Variants in RNGTT observed in about 807,000 individuals in gnomAD.
RNGTT encodes RNA guanylyltransferase and 5'-phosphatase.
In RNGTT, 33 loss-of-function variants were observed where a neutral mutation model predicts 79.3. That is an observed-to-expected ratio of 0.42 (90% CI 0.32 to 0.56). The LOEUF (loss-of-function observed/expected upper bound fraction) is 0.56. RNGTT is among the 20% of genes least tolerant of loss of function. RNGTT has a pLI of 0.17. For synonymous variants in RNGTT, 222 were observed against 235.9 expected, an observed-to-expected ratio of 0.94 and a Z score of 0.54; for missense variants, 497 against 739.1, an observed-to-expected ratio of 0.67 and a Z score of 3.80.
intron 8 of RNGTT, among the ~76,000 whole-genome samples, chr6:88,865,545 T>C (rs114345912): frequency 1.7e-3 from 258 of 152,170 alleles, no homozygotes; most frequent in African/African-American, 6.0e-3. Flanking sequence ...TATAAACATA[T>C]TTACACAAAG....
chr6:88,867,544 A>C (rs1282499984), intron 8 of RNGTT, among the ~76,000 whole-genome samples: 1 of 152,202 alleles, frequency 6.6e-6, no homozygotes, highest in East Asian at 1.9e-4. Flanking sequence ...GTCCAAAAAA[A>C]GCAAAAGAAT....
chr6:88,685,824 A>C (rs1157089743), intron 13 of RNGTT, among the ~76,000 whole-genome samples: 1 of 151,988 alleles, frequency 6.6e-6, no homozygotes, highest in Admixed American at 6.6e-5. Context: ...GTAAATAAAT[A>C]AATCAAATCC....
intron 14 of RNGTT, among the ~76,000 whole-genome samples, chr6:88,643,622 T>C (rs901662540): frequency 3.9e-5 from 6 of 152,112 alleles, no homozygotes; most frequent in Admixed American, 6.6e-5. Context: ...CCTCAGCAAA[T>C]GTAAAAGAAC....
intron 14 of RNGTT, among the ~76,000 whole-genome samples, chr6:88,654,030 T>A (rs547468064): frequency 6.6e-6 from 1 of 152,344 alleles, no homozygotes; most frequent in East Asian, 1.9e-4. Context: ...AGAACTTTTA[T>A]CTACAACTAC....
At chr6:88,776,297 G>A (rs1014026831) in intron 12 of RNGTT, among the ~76,000 whole-genome samples, 9 of 150,816 alleles carry the variant, frequency 6.0e-5, no homozygotes, top group African/African-American at 2.2e-4. Flanking sequence ...GTGATGTTGA[G>A]CACCTTTTCA....
intron 13 of RNGTT, among the ~76,000 whole-genome samples, chr6:88,702,998 G>C (rs1201592476): frequency 6.6e-6 from 1 of 152,040 alleles, no homozygotes; most frequent in Non-Finnish European, 1.5e-5. Context: ...AAACCAAAAT[G>C]AAATACCATC....
chr6:88,890,106 CAG>C (rs1266461346), intron 8 of RNGTT, among the ~76,000 whole-genome samples: 2 of 152,078 alleles, frequency 1.3e-5, no homozygotes, highest in African/African-American at 4.8e-5. Flanking sequence ...CAGAATGAAT[CAG>C]AGAGAGTTCA....
At chr6:88,658,887 G>A (rs1001262462) in intron 14 of RNGTT, among the ~76,000 whole-genome samples, 13 of 152,186 alleles carry the variant, frequency 8.5e-5, no homozygotes, top group African/African-American at 1.9e-4. Context: ...AGGGGCTCTC[G>A]GGCCTTCGGC....
At chr6:88,686,068 A>G (rs1775267334) in intron 13 of RNGTT, among the ~76,000 whole-genome samples, 1 of 150,786 alleles carries the variant, frequency 6.6e-6, no homozygotes, top group Admixed American at 6.7e-5. Flanking sequence ...GGATTAATCA[A>G]TGAATTTATA....
intron 14 of RNGTT, among the ~76,000 whole-genome samples, chr6:88,657,392 A>G (rs749772017): frequency 3.3e-5 from 5 of 152,210 alleles, no homozygotes; most frequent in African/African-American, 7.2e-5. Flanking sequence ...GCTTGAGCCC[A>G]GGGAAGCCAT....
chr6:88,807,798 C>T (rs1780008193), intron 11 of RNGTT, among the ~76,000 whole-genome samples: 1 of 151,742 alleles, frequency 6.6e-6, no homozygotes, highest in African/African-American at 2.4e-5. Flanking sequence ...AGTCAAAACC[C>T]AGCAAGAAGG....
intron 11 of RNGTT, among the ~76,000 whole-genome samples, chr6:88,812,591 T>C (rs575344549): frequency 1.3e-5 from 2 of 152,290 alleles, no homozygotes; most frequent in African/African-American, 4.8e-5. Context: ...GGTGGCAGGG[T>C]CTAGTGGGGA....
intron 13 of RNGTT, among the ~76,000 whole-genome samples, chr6:88,765,896 T>C (rs766650110): frequency 1.1e-4 from 16 of 152,132 alleles, no homozygotes; most frequent in South Asian, 2.1e-4. Context: ...GCTAAAGATA[T>C]ATGCATTTTA....
chr6:88,685,300 T>G (rs1775235230), intron 13 of RNGTT, among the ~76,000 whole-genome samples: 1 of 152,128 alleles, frequency 6.6e-6, no homozygotes, highest in Admixed American at 6.5e-5. Context: ...CTTTAGTTAG[T>G]AATATAACCA....
chr6:88,948,455 T>A (rs1199690814), intron 1 of RNGTT, among the ~76,000 whole-genome samples: 242 of 126,258 alleles, frequency 1.9e-3, no homozygotes, highest in African/African-American at 7.0e-3. Flanking sequence ...GGAGCCCCTC[T>A]GCCCGGCCAG....
At chr6:88,768,847 A>AT (rs1163501754) in intron 13 of RNGTT, among the ~76,000 whole-genome samples, 3 of 142,708 alleles carry the variant, frequency 2.1e-5, no homozygotes, top group Non-Finnish European at 3.0e-5. Context: ...TAAGATAGCA[A>AT]CCAAAAAGTC....
intron 14 of RNGTT, among the ~76,000 whole-genome samples, chr6:88,645,163 A>T (rs1252203046): frequency 6.6e-6 from 1 of 152,240 alleles, no homozygotes; most frequent in Admixed American, 6.5e-5. Context: ...AAGTCTCAGG[A>T]TACAAAATCA....
intron 8 of RNGTT, among the ~76,000 whole-genome samples, chr6:88,885,664 C>T (rs1176277847): frequency 6.6e-6 from 1 of 152,188 alleles, no homozygotes; most frequent in African/African-American, 2.4e-5. Context: ...GAGTATCTCC[C>T]TCACAGCTTC....
intron 13 of RNGTT, among the ~76,000 whole-genome samples, chr6:88,684,741 C>T (rs1040663128): frequency 6.6e-6 from 1 of 152,214 alleles, no homozygotes; most frequent in African/African-American, 2.4e-5. Flanking sequence ...TTTGTCAAAA[C>T]ACCACCAAGA....
Sources: allele counts gnomAD v4.1 joint callset (sites outside exome capture counted in the v4.1 genomes callset), GRCh38; gene constraint gnomAD v4.1.1; transcripts MANE v1.5; gene names NCBI Gene and HGNC (gene_info 2026-07-23, HGNC 2026-07-21).